KATNB1: variants seen among roughly 807,000 people sequenced by gnomAD.
The protein encoded by KATNB1 is katanin p80 WD40 repeat-containing subunit B1.
KATNB1 carries 38 observed loss-of-function variants against 82.3 expected under a neutral mutation model. That is an observed-to-expected ratio of 0.46 (90% confidence interval 0.36 to 0.61). KATNB1 has a LOEUF of 0.61. Among genes scored for constraint, KATNB1 ranks in the 20% least tolerant of loss-of-function variants. The probability of loss-of-function intolerance (pLI) is 0.00; values close to 1 mark genes in which losing one functional copy is unlikely to be tolerated. For missense variants in KATNB1, 749 were observed against 915.7 expected (o/e 0.82, Z 2.35); for synonymous variants, 361 against 368.7 (o/e 0.98, Z 0.24).
rs142508811 is a variant in KATNB1, at chr16:57,754,931, C to T, written c.1230C>T (p.Asp410=). 244 of 1,613,988 alleles carry T rather than the reference C, an allele frequency of 1.5e-4. 1 individual carries two copies. The highest frequency in any genetic ancestry group is 6.4e-4 in the African/African-American group (48 of 75,068). ...GTCATCTTTTCCTTTTGCCTCCAGA[C>T]GCAGCCACAGCAAAGGAGGCAGCAA... ...SEPFPAPPED[D]AATAKEAAKP... Residue 410 remains aspartate, a splice_region_variant and synonymous_variant, in exon 14 of 20, where the codon GAC becomes GAT. Coordinates refer to ENST00000379661, the MANE Select transcript of KATNB1 (RefSeq NM_005886.3).
At position 57,751,574 on chromosome 16, in the gene KATNB1, G is replaced by A. The variant is rs184596776; in HGVS notation, c.433-67G>A. Reference sequence around the variant, plus strand: ...TAGATGGAAGGGGTCCCATAGGAGTGAGGAGGCAGGGAGAGGTCTGTTGGG... The same window carrying A: ...TAGATGGAAGGGGTCCCATAGGAGTAAGGAGGCAGGGAGAGGTCTGTTGGG... On this transcript the variant is annotated intron_variant, in intron 6 of 19. Coordinates refer to ENST00000379661, the MANE Select transcript of KATNB1 (RefSeq NM_005886.3). This position sits in a 1 kb window ranked among gnomAD's most constrained non-coding sequence, Gnocchi z 6.3. 1 of 1,417,346 alleles carries A rather than the reference G, an allele frequency of 7.1e-7. No homozygotes were observed. Among genetic ancestry groups the A allele is most frequent in the Non-Finnish European group, 9.9e-7 (1 of 1,009,608 alleles). 87.8% of individuals were successfully genotyped at this position (1,417,346 alleles called of 1,614,324 possible). A position where few individuals can be genotyped will look rare whatever the true frequency, so the allele number is the denominator to read the frequency against.
intron 3 of KATNB1, among the ~76,000 whole-genome samples, chr16:57,743,273 A>G (rs1471757035): frequency 1.3e-5 from 2 of 152,334 alleles, no homozygotes; most frequent in East Asian, 3.9e-4. Context: ...AGGCTGGGTG[A>G]TAGAGCAAGA....
intron 4 of KATNB1, among the ~76,000 whole-genome samples, chr16:57,748,748 A>G (rs2049202550): frequency 6.6e-6 from 1 of 152,264 alleles, no homozygotes; most frequent in South Asian, 2.1e-4. Flanking sequence ...CAGCGCAGCC[A>G]GAGGGCAAGG....
chr16:57,741,787 G>A lies in KATNB1; in HGVS notation c.141G>A (p.Leu47=). 6.2e-7 allele frequency: 1 copy of A among 1,613,642 alleles called. No individual in the cohort carries two copies. The highest frequency in any genetic ancestry group is 8.5e-7 in the Non-Finnish European group (1 of 1,179,952). ...ATGGDDCRVN[L]WSINKPNCIM... is the part of the protein sequence containing the mutation. ...GCGGGGATGACTGCCGCGTCAACCT[G>A]TGGTCCATCAACAAGCCCAACTGCA... The change falls in exon 3 of 20, where the codon CTG becomes CTA. Residue 47 remains leucine, a synonymous_variant. Transcript: ENST00000379661.
chr16:57,754,033 G>GC (rs59680456), intron 13 of KATNB1, 38 bp downstream of exon 13: 63 of 1,552,892 alleles, frequency 4.1e-5, no homozygotes, highest in East Asian at 4.5e-5. Flanking sequence ...GGTCTCTGAT[G>GC]CCCCCCCGTC....
chr16:57,755,612 A>AT lies in KATNB1; in HGVS notation c.1566+119dup, dbSNP rs2049270042. On this transcript the variant is annotated intron_variant, in intron 16 of 19. Coordinates refer to ENST00000379661, the MANE Select transcript of KATNB1 (RefSeq NM_005886.3). Reference sequence around the variant, plus strand: ...CATGGGGGACAGTGTGGGATAGGCCATCCCTGACGTCACACCATCTGTTTC... The same window carrying AT: ...CATGGGGGACAGTGTGGGATAGGCCATTCCCTGACGTCACACCATCTGTTTC... 4 of 1,316,866 alleles carry AT rather than the reference A, an allele frequency of 3.0e-6. No homozygotes were observed. In the East Asian group the frequency reaches 9.5e-5, roughly 31 times the overall value. 81.6% of individuals were successfully genotyped at this position (1,316,866 alleles called of 1,614,324 possible). A position where few individuals can be genotyped will look rare whatever the true frequency, so the allele number is the denominator to read the frequency against.
In KATNB1 at chr16:57,737,124, G is replaced by T. The variant is rs2049106466; in HGVS notation, c.-120G>T. The T allele has an allele frequency of 3.2e-6, 4 of 1,250,272 alleles. No homozygotes were observed. In the Admixed American group the frequency reaches 7.7e-5, roughly 24 times the overall value. The allele number at this position is 1,250,272 out of a possible 1,614,324, so 77.4% of individuals were successfully genotyped here. ...AGAAGACGAGGCATTCTGTCTGCCT[G>T]GATGTGTGGGAACTCTCTGCCAACT... On this transcript the variant is annotated 5_prime_UTR_variant, in exon 2 of 20. It introduces an in-frame stop codon into an upstream open reading frame of the 5' UTR. Transcript: ENST00000379661.
At position 57,751,447 on chromosome 16, in the gene KATNB1, C is replaced by A; in HGVS notation, c.432+145C>A. Reference sequence around the variant, plus strand: ...ACATAGACCTGGAGCTGAGCAGGAGCGCCATGGGCGGCCCACCTGGATCCC... The same window carrying A: ...ACATAGACCTGGAGCTGAGCAGGAGAGCCATGGGCGGCCCACCTGGATCCC... On this transcript the variant is annotated intron_variant, in intron 6 of 19. Transcript: ENST00000379661. This position sits in a 1 kb window ranked among gnomAD's most constrained non-coding sequence, Gnocchi z 6.3. The A allele has an allele frequency of 1.0e-6, 1 of 999,344 alleles. No individual in the cohort carries two copies. Among genetic ancestry groups the A allele is most frequent in the Non-Finnish European group, 1.6e-6 (1 of 644,906 alleles). 61.9% of individuals were successfully genotyped at this position (999,344 alleles called of 1,614,324 possible). A position where few individuals can be genotyped will look rare whatever the true frequency, so the allele number is the denominator to read the frequency against.
In KATNB1 at chr16:57,753,235, G is replaced by A. The variant is rs7185990; in HGVS notation, c.1014G>A (p.Glu338=). 1.2e-5 allele frequency: 19 copies of A among 1,605,626 alleles called. No homozygotes were observed. Among genetic ancestry groups the A allele is most frequent in the Non-Finnish European group, 1.5e-5 (18 of 1,177,370 alleles). ...GCGCCCCCCTCCGGCGCATCTATGA[G>A]CGGCCCAGCACAACCTGCAGCAAGC... ...NPSAPLRRIY[E]RPSTTCSKPQ... Residue 338 remains glutamate (E), a synonymous_variant, in exon 11 of 20, where the codon GAG becomes GAA. Transcript: ENST00000379661.
chr16:57,744,587 C>G, intron 4 of KATNB1, 76 bp downstream of exon 4: 3 of 1,241,712 alleles, frequency 2.4e-6, no homozygotes, highest in Non-Finnish European at 3.5e-6. Flanking sequence ...CTGCTTCCTC[C>G]AGGAAGCCTG....
rs62039927 is a variant in KATNB1 at position 57,750,939 on chromosome 16, G to A, written c.390+12G>A. ...ACACAAACATCAAGGTGAGAGGCCG[G>A]TCCGTGCCCCGTGTCTCCTGCTGGG... On this transcript the variant is annotated intron_variant, in intron 5 of 19. Coordinates refer to ENST00000379661, the MANE Select transcript of KATNB1 (RefSeq NM_005886.3). 995 of 1,606,442 alleles carry A rather than the reference G, an allele frequency of 6.2e-4. 1 individual carries two copies. The highest frequency in any genetic ancestry group is 7.9e-4 in the Non-Finnish European group (930 of 1,173,304).
intron 3 of KATNB1, 62 bp from the exon 4 acceptor site, chr16:57,744,332 T>G (rs2049166259): frequency 4.4e-5 from 63 of 1,416,236 alleles, no homozygotes; most frequent in Non-Finnish European, 6.1e-5. Context: ...GACTTGGAAT[T>G]CAGGGCGCAA....
Position 57,751,829 on chromosome 16 carries a change from C to A in KATNB1, c.516+105C>A. The A allele has an allele frequency of 7.1e-7, 1 of 1,407,980 alleles. No homozygotes were observed. Among genetic ancestry groups the A allele is most frequent in the South Asian group, 1.2e-5 (1 of 86,032 alleles). The allele number at this position is 1,407,980 out of a possible 1,614,324, so 87.2% of individuals were successfully genotyped here. On this transcript the variant is annotated intron_variant, in intron 7 of 19. Coordinates refer to ENST00000379661, the MANE Select transcript of KATNB1 (RefSeq NM_005886.3). The surrounding 1 kb of genome is among the most constrained non-coding windows in gnomAD (Gnocchi z 6.3). ...CCTGATCGGGCTCACATGTCCCAAG[C>A]CTATCCCGAGTGGAAGGTAGCTTGT... is the stretch of plus-strand genomic sequence containing the variant.
chr16:57,739,170 C>T (rs2049124806), intron 2 of KATNB1, among the ~76,000 whole-genome samples: 1 of 152,152 alleles, frequency 6.6e-6, no homozygotes. Context: ...AAAGGCAAGG[C>T]CAAGCCATCA....
Position 57,753,532 on chromosome 16 carries a change from T to C in KATNB1, c.1177+13T>C, listed in dbSNP as rs1555584479. On this transcript the variant is annotated intron_variant, in intron 12 of 19. Transcript: ENST00000379661. ...AAGAACAGCATCAGTGAGGCCGGGC[T>C]CCCGCCCCCAGCCCAGCGTCCCCAT... is the stretch of plus-strand genomic sequence containing the variant. The C allele has an allele frequency of 1.2e-6, 2 of 1,611,902 alleles. No individual in the cohort carries two copies. The highest frequency in any genetic ancestry group is 2.2e-5 in the South Asian group (2 of 91,004).
intron 13 of KATNB1, 21 bp from the exon 14 acceptor site, chr16:57,754,909 A>T (rs1555585072): frequency 6.2e-7 from 1 of 1,613,764 alleles, no homozygotes; most frequent in South Asian, 1.1e-5. Context: ...GGACCCAGTC[A>T]TCTTTTCCTT....
chr16:57,753,592 G>A, intron 12 of KATNB1, 73 bp downstream of exon 12: 2 of 1,568,598 alleles, frequency 1.3e-6, no homozygotes, highest in East Asian at 2.3e-5. Flanking sequence ...TTCCAGGGTA[G>A]CCTGCTGTGG....
Position 57,753,378 on chromosome 16 carries a change from C to CAA in KATNB1, c.1047-10_1047-9insAA. On this transcript the variant is annotated splice_polypyrimidine_tract_variant and intron_variant, in intron 11 of 19. Coordinates refer to ENST00000379661, the MANE Select transcript of KATNB1 (RefSeq NM_005886.3). Reference sequence around the variant, plus strand: ...CACCTGCTTCCGTTGGGCTTGGCCTCACGCTCCCAGGGTGAAGCAGAACTC... The same window carrying CAA: ...CACCTGCTTCCGTTGGGCTTGGCCTCAAACGCTCCCAGGGTGAAGCAGAACTC... The CAA allele has an allele frequency of 6.2e-7, 1 of 1,608,420 alleles. No homozygotes were observed. Among genetic ancestry groups the CAA allele is most frequent in the Non-Finnish European group, 8.5e-7 (1 of 1,176,928 alleles).
intron 8 of KATNB1, 96 bp from the exon 9 acceptor site, chr16:57,752,434 G>T: frequency 8.7e-7 from 1 of 1,146,024 alleles, no homozygotes; most frequent in Non-Finnish European, 1.3e-6. Context: ...GCCCTGCCCT[G>T]GGGGAGAGGT....
Sources: allele counts gnomAD v4.1 joint callset (sites outside exome capture counted in the v4.1 genomes callset), GRCh38; gene constraint gnomAD v4.1.1; non-coding constraint Gnocchi (gnomAD v3.1); transcripts MANE v1.5; gene names NCBI Gene and HGNC (gene_info 2026-07-23, HGNC 2026-07-21).